Variants in VWC2L observed in about 807,000 individuals in gnomAD.
VWC2L encodes von Willebrand factor C domain-containing protein 2-like.
VWC2L carries 10 observed loss-of-function variants against 21.6 expected under a neutral mutation model. The observed-to-expected ratio is 0.46, with a 90% confidence interval of 0.29 to 0.78. VWC2L has a LOEUF of 0.78. Among genes scored for constraint, VWC2L ranks in the 30% least tolerant of loss-of-function variants. The pLI is 0.10. For synonymous variants in VWC2L, 96 were observed against 94.3 expected (o/e 1.02, Z -0.10); for missense variants, 209 against 277.1 (o/e 0.75, Z 1.74).
At chr2:214,503,212 A>C (rs937079037) in intron 3 of VWC2L, among the ~76,000 whole-genome samples, 1 of 152,182 alleles carries the variant, frequency 6.6e-6, no homozygotes, top group African/African-American at 2.4e-5. Flanking sequence ...TTAGCATCTA[A>C]ATCTTCAAAA....
At chr2:214,537,986 A>G (rs1385057937) in intron 3 of VWC2L, among the ~76,000 whole-genome samples, 1 of 149,624 alleles carries the variant, frequency 6.7e-6, no homozygotes, top group Non-Finnish European at 1.5e-5. Flanking sequence ...ACACATGCTC[A>G]TTCTCCCAAG....
chr2:214,419,043 T>C (rs1702396539), intron 2 of VWC2L, among the ~76,000 whole-genome samples: 2 of 152,204 alleles, frequency 1.3e-5, no homozygotes, highest in Admixed American at 1.3e-4. Context: ...CAAATGTAAA[T>C]TGATCCACAT....
chr2:214,452,701 A>AT (rs1163153476), intron 3 of VWC2L, among the ~76,000 whole-genome samples: 2 of 152,136 alleles, frequency 1.3e-5, no homozygotes, highest in Non-Finnish European at 2.9e-5. Flanking sequence ...TCAAATTCCC[A>AT]TAAAAAATGG....
At chr2:214,570,658 C>T (rs900082871) in intron 3 of VWC2L, among the ~76,000 whole-genome samples, 14 of 151,794 alleles carry the variant, frequency 9.2e-5, no homozygotes, top group African/African-American at 1.2e-4. Context: ...CCACCATGCC[C>T]GGCAGGGAAA....
rs756295298 is a variant in VWC2L, at chr2:214,414,154, T to A, written c.-40T>A. 1.9e-6 allele frequency: 3 copies of A among 1,576,552 alleles called. No individual in the cohort carries two copies. The highest frequency in any genetic ancestry group is 4.4e-4 in the Middle Eastern group (2 of 4,496). On this transcript the variant is annotated 5_prime_UTR_variant, in exon 2 of 4. Coordinates refer to ENST00000312504, the MANE Select transcript of VWC2L (RefSeq NM_001080500.4). ...TTCCCATGGAAGGAGCTGAGTATAT[T>A]TAATATTAGGAGCACATCCAGAAGT...
chr2:214,480,543 C>A (rs1219442730), intron 3 of VWC2L, among the ~76,000 whole-genome samples: 1 of 152,108 alleles, frequency 6.6e-6, no homozygotes, highest in Non-Finnish European at 1.5e-5. Flanking sequence ...CTTGCACATT[C>A]AAGAAATCTA....
intron 3 of VWC2L, among the ~76,000 whole-genome samples, chr2:214,532,712 G>A (rs1689458653): frequency 6.6e-6 from 1 of 152,068 alleles, no homozygotes; most frequent in East Asian, 1.9e-4. Context: ...ACCTGATAAT[G>A]GCAGCTTTTT....
At position 214,434,580 on chromosome 2, in the gene VWC2L, G is replaced by C. The variant is rs76182634; in HGVS notation, c.391-2049G>C. ...CCTGCCTTTGCCTCTTACTACCATA[G>C]GCCCTGGGAAAGTTATTAAACCTTT... On this transcript the variant is annotated intron_variant, in intron 2 of 3. Transcript: ENST00000312504. 8.5e-5 allele frequency among the ~76,000 whole-genome samples: 13 copies of C among 152,118 alleles called. No homozygotes were observed. In the East Asian group the frequency reaches 2.5e-3, roughly 29 times the overall value.
chr2:214,533,614 C>T lies in VWC2L; in HGVS notation c.521-42058C>T, dbSNP rs202163408. 9.9e-5 allele frequency among the ~76,000 whole-genome samples: 15 copies of T among 151,158 alleles called. No individual in the cohort carries two copies. The East Asian group carries it at 1.4e-3, about 14-fold the overall frequency. ...AAAACAAATAACAGACAGGATCCAA[C>T]GCTCAAAGACACAGTTGTTATTCCT... On this transcript the variant is annotated intron_variant, in intron 3 of 3. Coordinates refer to ENST00000312504, the MANE Select transcript of VWC2L (RefSeq NM_001080500.4).
At chr2:214,450,069 C>A (rs1436932932) in intron 3 of VWC2L, among the ~76,000 whole-genome samples, 1 of 152,136 alleles carries the variant, frequency 6.6e-6, no homozygotes, top group African/African-American at 2.4e-5. Flanking sequence ...ATGCAGGGCA[C>A]TGGGCACTGA....
In VWC2L at chr2:214,464,325, T is replaced by C. The variant is rs571250402; in HGVS notation, c.520+27567T>C. Among the ~76,000 whole-genome samples, 8 of 152,224 alleles carry C rather than the reference T, an allele frequency of 5.3e-5. 3 individuals carry two copies. The highest frequency in any genetic ancestry group is 1.9e-4 in the African/African-American group (8 of 41,544). ...GGTTTTCCAACTATTCAAAGGGAAT[T>C]GTGGTTACTACAGCTGTATTTGCAT... is the stretch of plus-strand genomic sequence containing the variant. On this transcript the variant is annotated intron_variant, in intron 3 of 3. Coordinates refer to ENST00000312504, the MANE Select transcript of VWC2L (RefSeq NM_001080500.4).
At chr2:214,414,942 G>T (rs1702333270) in intron 2 of VWC2L, 1 of 241,046 alleles carries the variant, frequency 4.1e-6, no homozygotes, top group Non-Finnish European at 8.0e-6. Context: ...TTTTAATTGT[G>T]TCAGTTTTGT....
intron 2 of VWC2L, among the ~76,000 whole-genome samples, chr2:214,432,087 C>T (rs915122011): frequency 6.6e-6 from 1 of 152,170 alleles, no homozygotes; most frequent in African/African-American, 2.4e-5. Flanking sequence ...AAAATACAAA[C>T]ATCTCATTGA....
At chr2:214,513,716 T>G (rs910560284) in intron 3 of VWC2L, among the ~76,000 whole-genome samples, 1 of 152,092 alleles carries the variant, frequency 6.6e-6, no homozygotes, top group African/African-American at 2.4e-5. Context: ...CTCTCCTTCA[T>G]AGAATAAATG....
intron 2 of VWC2L, among the ~76,000 whole-genome samples, chr2:214,431,476 A>G (rs1178952214): frequency 6.6e-6 from 1 of 152,180 alleles, no homozygotes; most frequent in East Asian, 1.9e-4. Flanking sequence ...GCCTAATATC[A>G]CTTGATCAGA....
chr2:214,499,789 C>T (rs1355596909), intron 3 of VWC2L, among the ~76,000 whole-genome samples: 1 of 152,180 alleles, frequency 6.6e-6, no homozygotes, highest in Non-Finnish European at 1.5e-5. Context: ...TGTGCATTAG[C>T]TTTGCCTTTA....
intron 3 of VWC2L, among the ~76,000 whole-genome samples, chr2:214,445,221 G>A (rs1444510750): frequency 6.6e-6 from 1 of 151,774 alleles, no homozygotes; most frequent in Admixed American, 6.6e-5. Flanking sequence ...CTTTAATGCA[G>A]CAATGACACT....
intron 3 of VWC2L, among the ~76,000 whole-genome samples, chr2:214,446,516 T>A (rs1702840012): frequency 6.6e-6 from 1 of 152,204 alleles, no homozygotes; most frequent in African/African-American, 2.4e-5. Flanking sequence ...GTTGACACAA[T>A]AAAAATTAAT....
At chr2:214,443,401 A>T (rs79895584) in intron 3 of VWC2L, among the ~76,000 whole-genome samples, 1 of 151,956 alleles carries the variant, frequency 6.6e-6, no homozygotes. Context: ...CAAAAAAAAA[A>T]CCTGGATTTT....
Sources: gnomAD v4.1 joint callset for allele counts (sites outside exome capture counted in the v4.1 genomes callset) on GRCh38, gnomAD v4.1.1 for gene constraint, MANE v1.5 for transcripts, NCBI Gene and HGNC (gene_info 2026-07-23, HGNC 2026-07-21) for gene names.